The following ADCY5 variants were observed in gnomAD, a reference collection of about 807,000 sequenced individuals.
The protein encoded by ADCY5 is adenylate cyclase type 5.
ADCY5 carries 30 observed loss-of-function variants against 119.7 expected under a neutral mutation model. The ratio of observed to expected loss-of-function variants is 0.25; its 90% confidence interval spans 0.19 to 0.34. The LOEUF is 0.34. Ranked by LOEUF, ADCY5 falls within the 10% of genes least tolerant of loss-of-function variation. The pLI is 1.00. For synonymous variants in ADCY5, 753 were observed against 762.2 expected, an observed-to-expected ratio of 0.99 and a Z score of 0.20; for missense variants, 1,324 against 1,775.2, an observed-to-expected ratio of 0.75 and a Z score of 4.57.
At chr3:123,373,993 T>C (rs539136150) in intron 1 of ADCY5, among the ~76,000 whole-genome samples, 2 of 152,238 alleles carry the variant, frequency 1.3e-5, no homozygotes, top group South Asian at 4.1e-4. Context: ...GAGGCAACAG[T>C]ACATGGGCAG....
Position 123,355,638 on chromosome 3 carries a change from TA to T in ADCY5, c.1135-3058del, listed in dbSNP as rs149008217. 9.9e-3 allele frequency among the ~76,000 whole-genome samples: 1,427 copies of T among 143,936 alleles called. 26 individuals carry two copies. The highest frequency in any genetic ancestry group is 0.033 in the African/African-American group (1,297 of 38,876). 94.4% of individuals were successfully genotyped at this position (143,936 alleles called of 152,430 possible). A position where few individuals can be genotyped will look rare whatever the true frequency, so the allele number is the denominator to read the frequency against. On this transcript the variant is annotated intron_variant, in intron 1 of 20. Transcript: ENST00000462833. ...ACCATGAAATACTTCAGTAGAAATC[TA>T]AAAAAAAAAAAACTAACAAAAAATC...
At chr3:123,381,280 T>C (rs1944021595) in intron 1 of ADCY5, among the ~76,000 whole-genome samples, 1 of 152,214 alleles carries the variant, frequency 6.6e-6, no homozygotes, top group Non-Finnish European at 1.5e-5. Flanking sequence ...GGCAGGAGCT[T>C]GGCATCTGCT....
chr3:123,377,307 GC>G (rs1305488097), intron 1 of ADCY5, among the ~76,000 whole-genome samples: 1 of 152,028 alleles, frequency 6.6e-6, no homozygotes, highest in African/African-American at 2.4e-5. Flanking sequence ...TGTTATCACT[GC>G]CCCTGGCTCC....
chr3:123,361,770 C>T (rs1276350044), intron 1 of ADCY5, among the ~76,000 whole-genome samples: 1 of 152,170 alleles, frequency 6.6e-6, no homozygotes, highest in Non-Finnish European at 1.5e-5. Context: ...GTACACAAGT[C>T]TAAACATGAA....
chr3:123,328,231 G>A (rs994828281), intron 6 of ADCY5, among the ~76,000 whole-genome samples: 4 of 152,022 alleles, frequency 2.6e-5, no homozygotes, highest in South Asian at 2.1e-4. Context: ...GCCTTGCCTC[G>A]CTGTGTTCCC....
In ADCY5 at chr3:123,318,039, G is replaced by T; in HGVS notation, c.2335C>A (p.Gln779Lys). 6.2e-7 allele frequency: 1 copy of T among 1,613,792 alleles called. No individual in the cohort carries two copies. The highest frequency in any genetic ancestry group is 8.5e-7 in the Non-Finnish European group (1 of 1,179,858). ...ACTCACTGGGGCACGATGGTGATCT[G>T]GACAAAGCAGATGAAGAGGAAGACG... ...SLVFLFICFV[Q>K]ITIVPHSIFM... Residue 779 changes from glutamine (Q) to lysine (K), a missense_variant, in exon 11 of 21, where the codon CAG becomes AAG. Gln to Lys is a moderately conservative substitution (Grantham distance 53). This residue lies in a region of ADCY5 where 424 missense variants were observed against 546.8 expected (regional missense o/e 0.78). Coordinates refer to ENST00000462833, the MANE Select transcript of ADCY5 (RefSeq NM_183357.3).
chr3:123,352,293 T>TC lies in ADCY5; in HGVS notation c.1284+138dup. 1 of 1,084,110 alleles carries TC rather than the reference T, an allele frequency of 9.2e-7. No individual in the cohort carries two copies. Among genetic ancestry groups the TC allele is most frequent in the East Asian group, 2.7e-5 (1 of 36,550 alleles). The allele number at this position is 1,084,110 out of a possible 1,614,324, so 67.2% of individuals were successfully genotyped here. ...GCTGGACTCTCTCCAGGGGAAACAT[T>TC]CCCCATGGGTTGGTCCCCTCCCGGG... On this transcript the variant is annotated intron_variant, in intron 2 of 20. Coordinates refer to ENST00000462833, the MANE Select transcript of ADCY5 (RefSeq NM_183357.3). The surrounding 1 kb of genome is among the most constrained non-coding windows in gnomAD (Gnocchi z 4.8).
chr3:123,324,512 T>C (rs1459289481), intron 8 of ADCY5, among the ~76,000 whole-genome samples: 2 of 148,978 alleles, frequency 1.3e-5, no homozygotes, highest in Non-Finnish European at 3.0e-5. Flanking sequence ...TATGGGTGAC[T>C]CCCACCTGGG....
chr3:123,426,083 T>C (rs1158476397), intron 1 of ADCY5, among the ~76,000 whole-genome samples: 1 of 152,038 alleles, frequency 6.6e-6, no homozygotes, highest in African/African-American at 2.4e-5. Flanking sequence ...GCTCTGCTTA[T>C]ATCATCACAG....
chr3:123,317,957 C>T, intron 11 of ADCY5, 63 bp downstream of exon 11: 1 of 1,464,202 alleles, frequency 6.8e-7, no homozygotes, highest in South Asian at 1.1e-5. Flanking sequence ...ATGACCACCC[C>T]CTCCCACTCC....
chr3:123,424,138 G>T (rs1183545421), intron 1 of ADCY5, among the ~76,000 whole-genome samples: 1 of 152,274 alleles, frequency 6.6e-6, no homozygotes, highest in African/African-American at 2.4e-5. Flanking sequence ...TCAAGTGTCT[G>T]CACTGTGCAC....
intron 1 of ADCY5, among the ~76,000 whole-genome samples, chr3:123,439,192 C>A (rs1049866363): frequency 1.3e-5 from 2 of 149,522 alleles, no homozygotes; most frequent in Admixed American, 6.8e-5. Flanking sequence ...CTCAGCCTCC[C>A]GAGTAGCTGG....
At chr3:123,337,352 C>T (rs1942071487) in intron 3 of ADCY5, among the ~76,000 whole-genome samples, 1 of 152,190 alleles carries the variant, frequency 6.6e-6, no homozygotes, top group Admixed American at 6.5e-5. Context: ...ACACCCAGCA[C>T]AACACCCAGA....
In ADCY5 at chr3:123,332,682, G is replaced by A; in HGVS notation, c.1407-7C>T. 2 of 1,586,682 alleles carry A rather than the reference G, an allele frequency of 1.3e-6. No individual in the cohort carries two copies. The highest frequency in any genetic ancestry group is 1.7e-4 in the Middle Eastern group (1 of 6,002). ...GATGTCAGCAAACAGGATGCTGGGG[G>A]ACAGGCAGAGGAGGAAGACCCTGCT... On this transcript the variant is annotated splice_region_variant and splice_polypyrimidine_tract_variant and intron_variant, in intron 3 of 20. Transcript: ENST00000462833.
In ADCY5 at chr3:123,325,385, C is replaced by G. The variant is rs1941430696; in HGVS notation, c.2025G>C (p.Gly675=). ...NSIGHNPPHW[G]AERPFYNHLG... is the part of the protein sequence containing the mutation. Reference sequence around the variant, plus strand: ...GGTGGTTGTAGAAGGGGCGCTCAGCCCCCCAGTGTGGTGGGTTGTGCCCGA... The same window carrying G: ...GGTGGTTGTAGAAGGGGCGCTCAGCGCCCCAGTGTGGTGGGTTGTGCCCGA... Residue 675 remains glycine, a synonymous_variant, in exon 8 of 21, where the codon GGG becomes GGC. Transcript: ENST00000462833. 1.2e-6 allele frequency: 2 copies of G among 1,614,178 alleles called. No individual in the cohort carries two copies. Among genetic ancestry groups the G allele is most frequent in the Non-Finnish European group, 1.7e-6 (2 of 1,180,026 alleles).
chr3:123,334,084 G>A (rs1370509741), intron 3 of ADCY5, among the ~76,000 whole-genome samples: 3 of 152,134 alleles, frequency 2.0e-5, no homozygotes, highest in Non-Finnish European at 4.4e-5. Flanking sequence ...CCCAGGACCA[G>A]AATCTGTAAG....
intron 1 of ADCY5, among the ~76,000 whole-genome samples, chr3:123,430,486 G>A (rs141763387): frequency 0.014 from 2,127 of 152,296 alleles, 18 homozygotes; most frequent in Middle Eastern, 0.031. Context: ...AAGGAGGACC[G>A]AAATCAGCCC....
At chr3:123,391,817 G>A (rs539330205) in intron 1 of ADCY5, among the ~76,000 whole-genome samples, 1 of 152,288 alleles carries the variant, frequency 6.6e-6, no homozygotes, top group South Asian at 2.1e-4. Context: ...TGCAGGTACA[G>A]GACCTTATGC....
chr3:123,339,098 G>A (rs1040520031), intron 3 of ADCY5, among the ~76,000 whole-genome samples: 4 of 152,326 alleles, frequency 2.6e-5, no homozygotes, highest in East Asian at 1.9e-4. Flanking sequence ...CCAACTCCCA[G>A]GAAGTTGGGA....
Sources: allele counts gnomAD v4.1 joint callset (sites outside exome capture counted in the v4.1 genomes callset), GRCh38; gene constraint gnomAD v4.1.1; regional missense constraint gnomAD v4.1.1; non-coding constraint Gnocchi (gnomAD v3.1); transcripts MANE v1.5; gene names NCBI Gene and HGNC (gene_info 2026-07-23, HGNC 2026-07-21).